The following BRD10 variants were observed in gnomAD, a reference collection of about 807,000 sequenced individuals.
BRD10 encodes the protein uncharacterized bromodomain-containing protein 10.
the BRD10 span, among the ~76,000 whole-genome samples, chr9:5,967,483 T>C: frequency 6.6e-6 from 1 of 152,148 alleles, no homozygotes; most frequent in Non-Finnish European, 1.5e-5. Flanking sequence ...TATTAATTGA[T>C]GTAATTTTCT....
the BRD10 span, chr9:6,008,368 G>A: frequency 1.1e-6 from 1 of 950,412 alleles, no homozygotes; most frequent in Non-Finnish European, 1.3e-6. Context: ...CGGTGAGGGG[G>A]GAGAAAGGGG....
the BRD10 span, chr9:5,898,081 G>A: frequency 5.9e-6 from 1 of 170,034 alleles, no homozygotes; most frequent in African/African-American, 2.4e-5. Context: ...CTTGAAACAG[G>A]AAATCCTGGG....
chr9:5,901,680 G>A, the BRD10 span, among the ~76,000 whole-genome samples: 3 of 151,970 alleles, frequency 2.0e-5, no homozygotes, highest in Non-Finnish European at 4.4e-5. Flanking sequence ...CACCACGCCT[G>A]GCTAAATTTT....
the BRD10 span, among the ~76,000 whole-genome samples, chr9:5,979,312 G>A: frequency 1.1e-4 from 16 of 152,282 alleles, no homozygotes; most frequent in Admixed American, 2.6e-4. Flanking sequence ...CCAGGAGTTC[G>A]AGACCAGCCT....
the BRD10 span, among the ~76,000 whole-genome samples, chr9:6,003,770 TA>T: frequency 6.6e-6 from 1 of 151,908 alleles, no homozygotes; most frequent in Non-Finnish European, 1.5e-5. Context: ...ATAGATAATA[TA>T]AAAATCATAA....
the BRD10 span, chr9:5,929,016 G>A: frequency 4.1e-6 from 5 of 1,225,972 alleles, no homozygotes; most frequent in Non-Finnish European, 5.9e-6. Context: ...CATAAAATAA[G>A]TAAAACAGAT....
At chr9:5,885,053 C>T in the BRD10 span, among the ~76,000 whole-genome samples, 5 of 152,210 alleles carry the variant, frequency 3.3e-5, no homozygotes, top group Non-Finnish European at 2.9e-5. Context: ...GAGGGAGTCC[C>T]TGTGGTCCTC....
At chr9:5,979,852 C>T in the BRD10 span, among the ~76,000 whole-genome samples, 1 of 151,462 alleles carries the variant, frequency 6.6e-6, no homozygotes, top group African/African-American at 2.4e-5. Context: ...CCCATCTCTA[C>T]TAAAAATACA....
the BRD10 span, chr9:5,910,178 A>G: frequency 6.6e-6 from 1 of 152,330 alleles, no homozygotes; most frequent in South Asian, 2.1e-4. Flanking sequence ...AGAGTTTTAA[A>G]GAAATTACTT....
chr9:5,966,933 A>G, the BRD10 span, among the ~76,000 whole-genome samples: 2 of 152,198 alleles, frequency 1.3e-5, no homozygotes, highest in African/African-American at 4.8e-5. Flanking sequence ...CCATTAAATT[A>G]AGCCTGTTTT....
the BRD10 span, among the ~76,000 whole-genome samples, chr9:5,887,802 C>T: frequency 6.6e-6 from 1 of 152,340 alleles, no homozygotes; most frequent in East Asian, 1.9e-4. Flanking sequence ...AGGTCTCCAA[C>T]TGGTTGTTCT....
chr9:5,928,590 T>C, the BRD10 span, among the ~76,000 whole-genome samples: 65 of 152,284 alleles, frequency 4.3e-4, no homozygotes, highest in Non-Finnish European at 8.8e-4. Flanking sequence ...AAACATGCTA[T>C]CAACTCTAGG....
the BRD10 span, among the ~76,000 whole-genome samples, chr9:5,953,056 G>C: frequency 6.6e-6 from 1 of 152,018 alleles, no homozygotes; most frequent in South Asian, 2.1e-4. Context: ...TTACCAGTTA[G>C]TAACTTCCAT....
the BRD10 span, among the ~76,000 whole-genome samples, chr9:5,888,924 A>G: frequency 6.6e-6 from 1 of 152,196 alleles, no homozygotes; most frequent in Admixed American, 6.5e-5. Flanking sequence ...GTGATGTACA[A>G]TGAAAAGTGG....
chr9:5,952,467 CACT>C, the BRD10 span, among the ~76,000 whole-genome samples: 2 of 152,182 alleles, frequency 1.3e-5, no homozygotes, highest in African/African-American at 4.8e-5. Context: ...TACATATTCA[CACT>C]GCTATGTGTA....
At chr9:5,957,887 G>C in the BRD10 span, among the ~76,000 whole-genome samples, 1 of 151,966 alleles carries the variant, frequency 6.6e-6, no homozygotes, top group Non-Finnish European at 1.5e-5. Flanking sequence ...ATATATACAG[G>C]GCAAGTTACA....
chr9:6,008,030 C>T, the BRD10 span: 1 of 1,173,860 alleles, frequency 8.5e-7, no homozygotes, highest in Non-Finnish European at 1.1e-6. Context: ...GTGCCCTCCT[C>T]TCCCCTCCCC....
chr9:6,007,878 G>A, the BRD10 span: 1 of 1,370,186 alleles, frequency 7.3e-7, no homozygotes, highest in Non-Finnish European at 9.4e-7. Flanking sequence ...CGGCTCGGCC[G>A]CGGCGCGTAG....
At chr9:5,933,670 A>G in the BRD10 span, 30 of 408,350 alleles carry the variant, frequency 7.3e-5, no homozygotes, top group East Asian at 2.1e-3. Flanking sequence ...AAAATAAAAA[A>G]TAACTTACAA....
Sources: allele counts gnomAD v4.1 joint callset (sites outside exome capture counted in the v4.1 genomes callset), GRCh38; gene constraint gnomAD v4.1.1; transcripts MANE v1.5; gene names NCBI Gene and HGNC (gene_info 2026-07-23, HGNC 2026-07-21).